SH3GL2: variants seen among roughly 807,000 people sequenced by gnomAD.
SH3GL2 encodes the protein SH3 domain containing GRB2 like 2, endophilin A1.
In SH3GL2, 24 loss-of-function variants were observed where a neutral mutation model predicts 46.0. The ratio of observed to expected loss-of-function variants is 0.52; its 90% CI spans 0.38 to 0.73. The LOEUF is 0.73. Among genes scored for constraint, SH3GL2 ranks in the 30% least tolerant of loss-of-function variants. SH3GL2 has a pLI of 0.00. For missense variants in SH3GL2, 413 were observed against 424.2 expected (o/e 0.97, Z 0.23); for synonymous variants, 196 against 147.1 (o/e 1.33, Z -2.40).
intron 1 of SH3GL2, among the ~76,000 whole-genome samples, chr9:17,673,147 TTTTG>T (rs1554637573): frequency 7.2e-5 from 11 of 152,038 alleles, no homozygotes; most frequent in South Asian, 4.2e-4. Flanking sequence ...TTGACTTTTT[TTTTG>T]TTTGTTTGTT....
At chr9:17,673,656 G>A (rs1256850056) in intron 1 of SH3GL2, among the ~76,000 whole-genome samples, 1 of 152,158 alleles carries the variant, frequency 6.6e-6, no homozygotes, top group East Asian at 1.9e-4. Context: ...CCATCTTGAT[G>A]TCTTGCCATT....
At chr9:17,706,197 C>G (rs1821469712) in intron 1 of SH3GL2, among the ~76,000 whole-genome samples, 1 of 152,024 alleles carries the variant, frequency 6.6e-6, no homozygotes, top group African/African-American at 2.4e-5. Flanking sequence ...CCCAAGGCCA[C>G]TAAGTAGGGC....
intron 1 of SH3GL2, among the ~76,000 whole-genome samples, chr9:17,731,840 G>C (rs1466303379): frequency 6.6e-6 from 1 of 152,116 alleles, no homozygotes; most frequent in South Asian, 2.1e-4. Flanking sequence ...GTCTCTTGGA[G>C]GAGCTATGCT....
intron 1 of SH3GL2, among the ~76,000 whole-genome samples, chr9:17,592,966 G>A (rs2104099): frequency 0.022 from 3,401 of 152,266 alleles, 121 homozygotes; most frequent in African/African-American, 0.078. Context: ...TCATGCCTAT[G>A]TAATGAAGCC....
chr9:17,662,448 C>T (rs1288128403), intron 1 of SH3GL2, among the ~76,000 whole-genome samples: 1 of 152,030 alleles, frequency 6.6e-6, no homozygotes, highest in African/African-American at 2.4e-5. Context: ...ATTAGCTTTC[C>T]GGGGTTTGTA....
intron 1 of SH3GL2, among the ~76,000 whole-genome samples, chr9:17,645,470 C>T (rs976694947): frequency 2.6e-5 from 4 of 152,004 alleles, no homozygotes; most frequent in South Asian, 2.1e-4. Flanking sequence ...ATAATGTTGA[C>T]GTTCTTTACA....
chr9:17,687,861 A>G (rs1465581924), intron 1 of SH3GL2, among the ~76,000 whole-genome samples: 3 of 152,124 alleles, frequency 2.0e-5, no homozygotes, highest in Admixed American at 6.6e-5. Flanking sequence ...CAATTTAGAA[A>G]GTAATTATCA....
chr9:17,646,895 C>T (rs182535055), intron 1 of SH3GL2, among the ~76,000 whole-genome samples: 17 of 152,310 alleles, frequency 1.1e-4, no homozygotes, highest in Admixed American at 8.5e-4. Context: ...TATCAGAGGT[C>T]GAGCACTGTG....
Position 17,795,602 on chromosome 9 carries a change from A to G in SH3GL2, c.918A>G (p.Glu306=). ...RALYDFEPEN[E]GELGFKEGDI... ...TGTACGACTTTGAACCTGAAAATGAAGGGGAGTTGGGATTTAAAGAGGGCG... is the reference window on the plus strand; with the variant it reads ...TGTACGACTTTGAACCTGAAAATGAGGGGGAGTTGGGATTTAAAGAGGGCG... Residue 306 remains glutamate (E), a synonymous_variant, in exon 9 of 9, where the codon GAA becomes GAG. Coordinates refer to ENST00000380607, the MANE Select transcript of SH3GL2 (RefSeq NM_003026.5). The G allele has an allele frequency of 6.2e-7, 1 of 1,614,042 alleles. No homozygotes were observed. The highest frequency in any genetic ancestry group is 8.5e-7 in the Non-Finnish European group (1 of 1,179,944).
chr9:17,765,331 C>CT (rs1823286187), intron 3 of SH3GL2, among the ~76,000 whole-genome samples: 1 of 148,206 alleles, frequency 6.7e-6, no homozygotes, highest in Non-Finnish European at 1.5e-5. Flanking sequence ...TATTAGATTA[C>CT]TGCTCCTGGG....
intron 1 of SH3GL2, among the ~76,000 whole-genome samples, chr9:17,598,013 T>C (rs1818605958): frequency 1.3e-5 from 2 of 152,164 alleles, no homozygotes; most frequent in Non-Finnish European, 2.9e-5. Flanking sequence ...GACAGACCAA[T>C]GATTATGCAA....
chr9:17,678,699 C>G (rs989746573), intron 1 of SH3GL2, among the ~76,000 whole-genome samples: 2 of 152,176 alleles, frequency 1.3e-5, no homozygotes, highest in African/African-American at 4.8e-5. Context: ...GACATGAAGT[C>G]CTTGCCCATG....
At chr9:17,607,684 T>A (rs1818785526) in intron 1 of SH3GL2, among the ~76,000 whole-genome samples, 1 of 152,252 alleles carries the variant, frequency 6.6e-6, no homozygotes, top group African/African-American at 2.4e-5. Context: ...TATATTTACA[T>A]CATACTGTAT....
intron 1 of SH3GL2, among the ~76,000 whole-genome samples, chr9:17,597,742 C>T (rs1015307466): frequency 5.3e-5 from 8 of 152,018 alleles, no homozygotes; most frequent in Non-Finnish European, 1.0e-4. Flanking sequence ...TGGAACTATC[C>T]ATTAATAAGC....
At chr9:17,728,266 C>T (rs138986995) in intron 1 of SH3GL2, among the ~76,000 whole-genome samples, 34 of 152,020 alleles carry the variant, frequency 2.2e-4, no homozygotes, top group African/African-American at 8.0e-4. Flanking sequence ...AATTGATTTA[C>T]TATGAGAATA....
chr9:17,787,597 A>C, intron 5 of SH3GL2, 84 bp downstream of exon 5: 2 of 1,155,618 alleles, frequency 1.7e-6, no homozygotes, highest in Non-Finnish European at 2.5e-6. Flanking sequence ...ACATTTTTTT[A>C]GCTTACCCTG....
intron 1 of SH3GL2, among the ~76,000 whole-genome samples, chr9:17,634,031 G>A (rs755056371): frequency 9.9e-5 from 15 of 152,176 alleles, no homozygotes; most frequent in Non-Finnish European, 1.9e-4. Context: ...CTTGCATAAA[G>A]CAATAGAGTG....
chr9:17,621,030 T>G (rs563059798), intron 1 of SH3GL2, among the ~76,000 whole-genome samples: 19 of 152,324 alleles, frequency 1.2e-4, no homozygotes, highest in Non-Finnish European at 2.4e-4. Context: ...TTAAAGATGT[T>G]GACAGAGTTT....
chr9:17,698,757 A>T (rs1821271079), intron 1 of SH3GL2, among the ~76,000 whole-genome samples: 1 of 152,230 alleles, frequency 6.6e-6, no homozygotes, highest in Non-Finnish European at 1.5e-5. Flanking sequence ...TGTGAAGGTC[A>T]CAAGTACAGA....
Sources: gnomAD v4.1 joint callset for allele counts (sites outside exome capture counted in the v4.1 genomes callset) on GRCh38, gnomAD v4.1.1 for gene constraint, MANE v1.5 for transcripts, NCBI Gene and HGNC (gene_info 2026-07-23, HGNC 2026-07-21) for gene names.